The following NRXN1 variants were observed in gnomAD, a reference collection of about 807,000 sequenced individuals.
The protein encoded by NRXN1 is neurexin-1.
NRXN1 carries 39 observed loss-of-function variants against 150.9 expected under a neutral mutation model. The observed-to-expected ratio is 0.26, with a 90% CI of 0.20 to 0.34. The LOEUF is 0.34. NRXN1 is among the 10% of genes least tolerant of loss of function. NRXN1 has a pLI of 1.00. For missense variants in NRXN1, 1,815 were observed against 1,949.9 expected (o/e 0.93, Z 1.30); for synonymous variants, 924 against 757.0 (o/e 1.22, Z -3.62).
intron 17 of NRXN1, among the ~76,000 whole-genome samples, chr2:50,446,958 C>A (rs1034228121): frequency 2.0e-5 from 3 of 152,030 alleles, no homozygotes; most frequent in Non-Finnish European, 4.4e-5. Flanking sequence ...TATTATAATA[C>A]CATGCAATTC....
At chr2:50,428,877 C>G (rs977417467) in intron 17 of NRXN1, among the ~76,000 whole-genome samples, 1 of 152,252 alleles carries the variant, frequency 6.6e-6, no homozygotes, top group Middle Eastern at 3.4e-3. Context: ...TTGCCAATGT[C>G]ACACAGCTTC....
At chr2:50,549,992 G>T (rs1203053310) in intron 9 of NRXN1, among the ~76,000 whole-genome samples, 2 of 151,948 alleles carry the variant, frequency 1.3e-5, no homozygotes, top group Non-Finnish European at 2.9e-5. Context: ...AGAAAGACTG[G>T]AAAGAAATAC....
intron 17 of NRXN1, among the ~76,000 whole-genome samples, chr2:50,341,386 T>G (rs537785377): frequency 6.9e-6 from 1 of 144,980 alleles, no homozygotes; most frequent in South Asian, 2.3e-4. Flanking sequence ...AAGTCTCTTT[T>G]AAGTATTTCT....
intron 2 of NRXN1, among the ~76,000 whole-genome samples, chr2:50,948,114 C>A (rs1175608386): frequency 6.6e-6 from 1 of 151,876 alleles, no homozygotes; most frequent in African/African-American, 2.4e-5. Flanking sequence ...GGCACAGACA[C>A]CACATTTCTT....
At chr2:50,958,097 AGTTTTGTT>A (rs1558490340) in intron 2 of NRXN1, among the ~76,000 whole-genome samples, 3 of 152,124 alleles carry the variant, frequency 2.0e-5, no homozygotes, top group Non-Finnish European at 4.4e-5. Context: ...TCTGGGCCAA[AGTTTTGTT>A]TCGCTTTGTT....
chr2:50,262,899 T>C (rs900890625), intron 17 of NRXN1, among the ~76,000 whole-genome samples: 3 of 151,970 alleles, frequency 2.0e-5, no homozygotes, highest in Non-Finnish European at 4.4e-5. Flanking sequence ...GTGTTGGAGT[T>C]TTTGGCAAAG....
intron 5 of NRXN1, among the ~76,000 whole-genome samples, chr2:50,750,704 T>C (rs893624787): frequency 2.6e-5 from 4 of 152,054 alleles, no homozygotes; most frequent in African/African-American, 7.2e-5. Flanking sequence ...AAAGTTCTTA[T>C]ACAAATCATT....
chr2:50,775,395 T>C (rs917400789), intron 5 of NRXN1, among the ~76,000 whole-genome samples: 8 of 152,150 alleles, frequency 5.3e-5, no homozygotes, highest in African/African-American at 1.9e-4. Context: ...AGATTTGTGT[T>C]TCTGGACTCA....
At chr2:50,423,792 G>A (rs1217412831) in intron 17 of NRXN1, among the ~76,000 whole-genome samples, 4 of 152,012 alleles carry the variant, frequency 2.6e-5, no homozygotes, top group Non-Finnish European at 5.9e-5. Flanking sequence ...AAATTTGAAA[G>A]GATTGCCAGA....
intron 5 of NRXN1, among the ~76,000 whole-genome samples, chr2:50,675,683 C>T (rs1039710723): frequency 1.3e-5 from 2 of 152,068 alleles, no homozygotes; most frequent in African/African-American, 4.8e-5. Context: ...ACCGTTACTC[C>T]AGTTTACTGT....
intron 21 of NRXN1, among the ~76,000 whole-genome samples, chr2:50,006,715 G>A (rs1265788967): frequency 6.6e-6 from 1 of 152,134 alleles, no homozygotes; most frequent in Non-Finnish European, 1.5e-5. Flanking sequence ...TGCTCCTAGA[G>A]TATATTCATT....
chr2:50,285,326 G>A (rs1208344951), intron 17 of NRXN1, among the ~76,000 whole-genome samples: 2 of 152,002 alleles, frequency 1.3e-5, no homozygotes, highest in South Asian at 4.1e-4. Context: ...TCAGAGTTTG[G>A]GATGGTTCAA....
At chr2:50,095,859 C>A (rs970411482) in intron 18 of NRXN1, among the ~76,000 whole-genome samples, 1 of 151,326 alleles carries the variant, frequency 6.6e-6, no homozygotes, top group African/African-American at 2.4e-5. Context: ...CATATGTATA[C>A]ATGTGCCATG....
intron 18 of NRXN1, among the ~76,000 whole-genome samples, chr2:50,170,756 CGTGTGTGT>C (rs58130457): frequency 2.5e-4 from 36 of 143,200 alleles, no homozygotes; most frequent in East Asian, 8.4e-4. Flanking sequence ...CTCTGTCTGT[CGTGTGTGT>C]GTGTGTGTGT....
chr2:50,703,032 C>G (rs1158647703), intron 5 of NRXN1, among the ~76,000 whole-genome samples: 1 of 152,002 alleles, frequency 6.6e-6, no homozygotes, highest in Non-Finnish European at 1.5e-5. Context: ...CAAACAAACA[C>G]AAAAACTGGT....
At chr2:50,681,838 G>T (rs1690451592) in intron 5 of NRXN1, among the ~76,000 whole-genome samples, 1 of 151,608 alleles carries the variant, frequency 6.6e-6, no homozygotes, top group African/African-American at 2.4e-5. Flanking sequence ...TAGATACAGT[G>T]ATAGTTACCT....
In NRXN1 at chr2:50,677,879, G is replaced by A. The variant is rs139846075; in HGVS notation, c.833-54264C>T. Among the ~76,000 whole-genome samples, 102 of 152,020 alleles carry A rather than the reference G, an allele frequency of 6.7e-4. 1 individual carries two copies. In the East Asian group the frequency reaches 0.019, roughly 28 times the overall value. ...AAGAGGCATATTAGTGCTTCCTGCA[G>A]TACAAATCACCACCTACTTTTAAAC... On this transcript the variant is annotated intron_variant, in intron 5 of 22. Transcript: ENST00000401669.
intron 22 of NRXN1, among the ~76,000 whole-genome samples, chr2:49,925,317 T>C (rs1005610368): frequency 2.0e-5 from 3 of 151,400 alleles, no homozygotes; most frequent in African/African-American, 4.9e-5. Context: ...GAAATATTTA[T>C]GTATTAATGG....
intron 5 of NRXN1, among the ~76,000 whole-genome samples, chr2:50,763,557 T>C (rs925063832): frequency 2.6e-5 from 4 of 151,888 alleles, no homozygotes; most frequent in African/African-American, 9.7e-5. Context: ...ACTTGACACA[T>C]TGAATTAATT....
Sources: gnomAD v4.1 joint callset for allele counts (sites outside exome capture counted in the v4.1 genomes callset) on GRCh38, gnomAD v4.1.1 for gene constraint, MANE v1.5 for transcripts, NCBI Gene and HGNC (gene_info 2026-07-23, HGNC 2026-07-21) for gene names.